TYW1B: variants seen among roughly 807,000 people sequenced by gnomAD.
The protein encoded by TYW1B is tRNA-yW synthesizing protein 1 homolog B, also known as S-adenosyl-L-methionine-dependent tRNA 4-demethylwyosine synthase TYW1B.
In TYW1B, 73 loss-of-function variants were observed where a neutral mutation model predicts 86.9. The ratio of observed to expected loss-of-function variants is 0.84; its 90% CI spans 0.70 to 1.02. The LOEUF (loss-of-function observed/expected upper bound fraction) is 1.02, where lower values mean the gene tolerates loss of function less well. Ranked by LOEUF, TYW1B falls within the 50% of genes least tolerant of loss-of-function variation. The probability of loss-of-function intolerance (pLI) is 0.00; values close to 1 mark genes in which losing one functional copy is unlikely to be tolerated. For missense variants in TYW1B, 637 were observed against 827.4 expected, an observed-to-expected ratio of 0.77 and a Z score of 2.82; for synonymous variants, 248 against 292.8, an observed-to-expected ratio of 0.85 and a Z score of 1.56.
At chr7:72,721,056 T>C (rs1476166846) in intron 9 of TYW1B, among the ~76,000 whole-genome samples, 1 of 152,172 alleles carries the variant, frequency 6.6e-6, no homozygotes, top group Non-Finnish European at 1.5e-5. Context: ...GCTTCATCCA[T>C]GTCCCTTAAA....
At chr7:72,602,962 G>A (rs1554434078) in intron 13 of TYW1B, among the ~76,000 whole-genome samples, 5 of 151,884 alleles carry the variant, frequency 3.3e-5, no homozygotes, top group Non-Finnish European at 7.4e-5. Context: ...GGGACAATTT[G>A]AGCAACAAAA....
chr7:72,603,222 G>A (rs1416387234), intron 13 of TYW1B, among the ~76,000 whole-genome samples: 1 of 151,354 alleles, frequency 6.6e-6, no homozygotes, highest in African/African-American at 2.4e-5. Context: ...TGGACAGATA[G>A]ACACAGACAG....
chr7:72,647,592 A>G (rs1372313935), intron 11 of TYW1B, among the ~76,000 whole-genome samples: 2 of 152,216 alleles, frequency 1.3e-5, no homozygotes, highest in Non-Finnish European at 1.5e-5. Flanking sequence ...AGCAGGGTCA[A>G]TCTAGATGTG....
chr7:72,655,719 C>T (rs1440311605), intron 11 of TYW1B, among the ~76,000 whole-genome samples: 2 of 152,196 alleles, frequency 1.3e-5, no homozygotes, highest in Non-Finnish European at 2.9e-5. Context: ...CCGGTAGCAA[C>T]CCCTGGCAGG....
At chr7:72,788,476 C>G (rs1216052142) in intron 6 of TYW1B, among the ~76,000 whole-genome samples, 9 of 152,232 alleles carry the variant, frequency 5.9e-5, no homozygotes, top group Admixed American at 5.2e-4. Flanking sequence ...GTTGAGCATC[C>G]CAAATCTTCG....
intron 11 of TYW1B, among the ~76,000 whole-genome samples, chr7:72,642,121 T>A (rs1317400171): frequency 1.3e-5 from 2 of 152,152 alleles, no homozygotes; most frequent in African/African-American, 4.8e-5. Flanking sequence ...GACAATTCAA[T>A]GGGGAAAAAA....
At chr7:72,770,319 C>T (rs1787843716) in intron 7 of TYW1B, among the ~76,000 whole-genome samples, 2 of 149,412 alleles carry the variant, frequency 1.3e-5, no homozygotes, top group Non-Finnish European at 3.0e-5. Context: ...GGCCCAGCTA[C>T]TCGGGAGGCT....
intron 8 of TYW1B, among the ~76,000 whole-genome samples, chr7:72,742,801 G>GA (rs1366611259): frequency 6.7e-6 from 1 of 149,532 alleles, no homozygotes; most frequent in Non-Finnish European, 1.5e-5. Context: ...TTAATAACTG[G>GA]AAAAAAAAAG....
At chr7:72,792,829 G>A (rs1788243262) in intron 6 of TYW1B, among the ~76,000 whole-genome samples, 1 of 152,194 alleles carries the variant, frequency 6.6e-6, no homozygotes, top group Admixed American at 6.5e-5. Context: ...TAAAGCGAAA[G>A]AAAAGCAGTC....
At chr7:72,779,846 A>C (rs1189069721) in intron 6 of TYW1B, among the ~76,000 whole-genome samples, 1 of 151,178 alleles carries the variant, frequency 6.6e-6, no homozygotes, top group African/African-American at 2.4e-5. Context: ...TTAGAGAATC[A>C]AATGTACCAA....
chr7:72,704,973 T>C (rs1382921450), intron 10 of TYW1B, among the ~76,000 whole-genome samples: 1 of 152,126 alleles, frequency 6.6e-6, no homozygotes, highest in Admixed American at 6.6e-5. Context: ...GAAAATTAGA[T>C]TTTAAACTTC....
At chr7:72,773,168 AT>A (rs1787896247) in intron 7 of TYW1B, among the ~76,000 whole-genome samples, 1 of 152,154 alleles carries the variant, frequency 6.6e-6, no homozygotes, top group Non-Finnish European at 1.5e-5. Context: ...TAAATTTTGC[AT>A]TTAGGTAAAG....
chr7:72,697,217 C>T (rs538288901), intron 10 of TYW1B, among the ~76,000 whole-genome samples: 94 of 152,192 alleles, frequency 6.2e-4, no homozygotes, highest in African/African-American at 2.1e-3. Flanking sequence ...AGGCCATACT[C>T]CTTTTACAAA....
In TYW1B at chr7:72,616,796, A is replaced by G; in HGVS notation, c.1661T>C (p.Met554Thr). ...TTCCTCATGCCAGGGCACATGGGCC[A>G]TGGTAAGACTGCTTGCTGAACTTTC... ...CRESSASSLT[M>T]AHVPWHEEVV... Residue 554 changes from methionine (M) to threonine (T), a missense_variant, in exon 13 of 14, where the codon ATG becomes ACG. Transcript: ENST00000620995. The G allele has an allele frequency of 6.2e-7, 1 of 1,614,202 alleles. No homozygotes were observed. The highest frequency in any genetic ancestry group is 8.5e-7 in the Non-Finnish European group (1 of 1,180,038).
chr7:72,724,427 C>T (rs1412943176), intron 9 of TYW1B, among the ~76,000 whole-genome samples: 5 of 152,164 alleles, frequency 3.3e-5, no homozygotes, highest in African/African-American at 4.8e-5. Context: ...GAGCCAAGAT[C>T]GTGCCACTGC....
At chr7:72,763,704 T>A (rs2129571748) in intron 7 of TYW1B, among the ~76,000 whole-genome samples, 1 of 152,362 alleles carries the variant, frequency 6.6e-6, no homozygotes, top group East Asian at 1.9e-4. Flanking sequence ...GATCAAGTGT[T>A]TTGAACCTTT....
At chr7:72,619,457 A>C (rs1812161629) in intron 12 of TYW1B, among the ~76,000 whole-genome samples, 1 of 151,728 alleles carries the variant, frequency 6.6e-6, no homozygotes, top group African/African-American at 2.4e-5. Flanking sequence ...CTGGCTAACA[A>C]GGTGAAACCC....
intron 7 of TYW1B, among the ~76,000 whole-genome samples, chr7:72,755,835 T>C (rs1336723472): frequency 6.6e-6 from 1 of 152,186 alleles, no homozygotes; most frequent in Non-Finnish European, 1.5e-5. Flanking sequence ...ATCTGGAGAA[T>C]GTTATTTTGA....
rs10233852 is a variant in TYW1B, at chr7:72,632,400, A to T, written c.1507-3403T>A. Among the ~76,000 whole-genome samples, 8 of 81,726 alleles carry T rather than the reference A, an allele frequency of 9.8e-5. 1 individual carries two copies. Among genetic ancestry groups the T allele is most frequent in the South Asian group, 2.8e-4 (1 of 3,624 alleles). The allele number at this position is 81,726 out of a possible 152,430, so 53.6% of individuals were successfully genotyped here. A position where few individuals can be genotyped will look rare whatever the true frequency, so the allele number is the denominator to read the frequency against. ...ATTATATATATACGTATATATATAT[A>T]ATATATATATACATATATATATAAA... On this transcript the variant is annotated intron_variant, in intron 11 of 13. Coordinates refer to ENST00000620995, the MANE Select transcript of TYW1B (RefSeq NM_001145440.3).
Sources: allele counts gnomAD v4.1 joint callset (sites outside exome capture counted in the v4.1 genomes callset), GRCh38; gene constraint gnomAD v4.1.1; transcripts MANE v1.5; gene names NCBI Gene and HGNC (gene_info 2026-07-23, HGNC 2026-07-21).